Variants in CLIC5 observed in about 807,000 individuals in gnomAD.
CLIC5 encodes the protein CLIC family member 5.
A neutral mutation model predicts 24.7 loss-of-function variants in CLIC5; 20 were observed. The ratio of observed to expected loss-of-function variants is 0.81; its 90% CI spans 0.57 to 1.18. The LOEUF is 1.18. CLIC5 is among the 50% of genes most tolerant of loss of function. The probability of loss-of-function intolerance (pLI) is 0.00; values close to 1 mark genes in which losing one functional copy is unlikely to be tolerated. For missense variants in CLIC5, 341 were observed against 326.1 expected (o/e 1.05, Z -0.35); for synonymous variants, 159 against 135.6 (o/e 1.17, Z -1.20).
intron 6 of CLIC5, among the ~76,000 whole-genome samples, chr6:45,893,230 G>T (rs1020905579): frequency 7.1e-6 from 1 of 140,562 alleles, no homozygotes; most frequent in African/African-American, 2.7e-5. Flanking sequence ...TGCCACCCTG[G>T]TTTTTTTTTT....
the CLIC5 span, among the ~76,000 whole-genome samples, chr6:46,126,393 A>G: frequency 6.6e-6 from 1 of 152,234 alleles, no homozygotes; most frequent in Non-Finnish European, 1.5e-5. Flanking sequence ...AAGCCTCAAA[A>G]GAATTTATAC....
upstream of CLIC5, among the ~76,000 whole-genome samples, chr6:46,081,265 G>A (rs544219647): frequency 2.6e-5 from 4 of 152,300 alleles, no homozygotes; most frequent in East Asian, 5.8e-4. Context: ...ACTCTATCCT[G>A]CTAATTCCTG....
At chr6:45,929,286 T>A (rs548834676) in intron 4 of CLIC5, among the ~76,000 whole-genome samples, 12 of 152,278 alleles carry the variant, frequency 7.9e-5, no homozygotes, top group African/African-American at 2.9e-4. Flanking sequence ...GAGGAATCCC[T>A]CAGGCAGCTC....
At position 45,922,823 on chromosome 6, in the gene CLIC5, A is replaced by AAGAGAG. The variant is rs547902327; in HGVS notation, c.407-8420_407-8415dup. ...GAAGGGAGGAAGAGAGAGAGAGAGA[A>AAGAGAG]AGAGAGAGAGATAGAGAGAGAGAGA... On this transcript the variant is annotated intron_variant, in intron 4 of 5. Coordinates refer to ENST00000339561, the MANE Select transcript of CLIC5 (RefSeq NM_016929.5). 8.6e-3 allele frequency among the ~76,000 whole-genome samples: 1,211 copies of AAGAGAG among 140,688 alleles called. 36 individuals are homozygous for AAGAGAG. The highest frequency in any genetic ancestry group is 0.045 in the East Asian group (214 of 4,722). 92.3% of individuals were successfully genotyped at this position (140,688 alleles called of 152,430 possible).
chr6:46,065,439 A>C (rs1762416214), intron 1 of CLIC5, among the ~76,000 whole-genome samples: 1 of 152,116 alleles, frequency 6.6e-6, no homozygotes, highest in South Asian at 2.1e-4. Flanking sequence ...GAAATATAAA[A>C]CATAATCAAC....
chr6:46,071,190 C>A (rs540801155), intron 1 of CLIC5, among the ~76,000 whole-genome samples: 2 of 151,942 alleles, frequency 1.3e-5, no homozygotes, highest in African/African-American at 4.8e-5. Flanking sequence ...ACAAAGATGC[C>A]AAAATCAGTT....
At chr6:46,090,771 T>C in the CLIC5 span, among the ~76,000 whole-genome samples, 5 of 152,220 alleles carry the variant, frequency 3.3e-5, no homozygotes, top group Admixed American at 1.3e-4. Context: ...ATGCATTAAA[T>C]TAAGTTTAAC....
At chr6:46,006,137 T>TATATATACACATGTATAAATAC (rs1766569626) in intron 1 of CLIC5, among the ~76,000 whole-genome samples, 2 of 44,232 alleles carry the variant, frequency 4.5e-5, no homozygotes, top group African/African-American at 1.8e-4. Flanking sequence ...CATATATATA[T>TATATATACACATGTATAAATAC]ATATATATAT....
At chr6:46,126,153 G>C in the CLIC5 span, among the ~76,000 whole-genome samples, 1 of 152,144 alleles carries the variant, frequency 6.6e-6, no homozygotes, top group East Asian at 1.9e-4. Flanking sequence ...CGTGGATGAG[G>C]GGAATTAACA....
chr6:46,068,374 G>C (rs1276764265), intron 1 of CLIC5, among the ~76,000 whole-genome samples: 2 of 152,086 alleles, frequency 1.3e-5, no homozygotes, highest in Non-Finnish European at 2.9e-5. Context: ...CCAGCCACTG[G>C]CCCAAGGCTT....
At chr6:45,951,501 A>G (rs1764466953) in intron 2 of CLIC5, among the ~76,000 whole-genome samples, 1 of 152,220 alleles carries the variant, frequency 6.6e-6, no homozygotes, top group South Asian at 2.1e-4. Context: ...TGACACGGCT[A>G]GGTCCTGTTA....
intron 1 of CLIC5, among the ~76,000 whole-genome samples, chr6:45,962,533 T>C (rs1419742918): frequency 6.6e-6 from 1 of 150,378 alleles, no homozygotes; most frequent in Non-Finnish European, 1.5e-5. Context: ...GAGTAATGTC[T>C]GGTCAATATC....
chr6:46,084,097 C>A (rs985336912), upstream of CLIC5, among the ~76,000 whole-genome samples: 3 of 152,010 alleles, frequency 2.0e-5, no homozygotes, highest in Non-Finnish European at 2.9e-5. Flanking sequence ...AGGATTGCAA[C>A]CCCTGCCTTT....
In CLIC5 at chr6:46,057,218, T is replaced by A. The variant is rs996765487; in HGVS notation, c.540+22485A>T. Among the ~76,000 whole-genome samples the A allele has an allele frequency of 2.6e-5, 4 of 152,222 alleles. No homozygotes were observed. In the East Asian group the frequency reaches 7.7e-4, roughly 29 times the overall value. On this transcript the variant is annotated intron_variant, in intron 1 of 5. Transcript: ENST00000185206. ...TTGTATCCCCCAGAATTCCCATGTG[T>A]TGTGGGAGGGACCCAGGGGGAGGTA...
intron 3 of CLIC5, among the ~76,000 whole-genome samples, chr6:45,945,603 T>A (rs984681941): frequency 6.6e-6 from 1 of 152,138 alleles, no homozygotes; most frequent in Admixed American, 6.5e-5. Flanking sequence ...TAAACCTGTG[T>A]TCTGTTAAGC....
intron 1 of CLIC5, among the ~76,000 whole-genome samples, chr6:46,057,049 C>T (rs1408444328): frequency 1.3e-5 from 2 of 152,226 alleles, no homozygotes; most frequent in Non-Finnish European, 2.9e-5. Flanking sequence ...ATCCTCATTG[C>T]ATTTTCTTAC....
At chr6:46,087,560 C>T in the CLIC5 span, among the ~76,000 whole-genome samples, 2 of 152,084 alleles carry the variant, frequency 1.3e-5, no homozygotes, top group African/African-American at 4.8e-5. Context: ...CTTCACCTGG[C>T]CCAAGTCCTT....
intron 1 of CLIC5, among the ~76,000 whole-genome samples, chr6:46,042,372 TTTTG>T (rs1441989748): frequency 6.6e-6 from 1 of 152,180 alleles, no homozygotes; most frequent in African/African-American, 2.4e-5. Context: ...TGTAGGTTTT[TTTTG>T]TTTTTGTTTT....
At chr6:46,012,550 A>C (rs1245894460) in intron 1 of CLIC5, among the ~76,000 whole-genome samples, 2 of 152,248 alleles carry the variant, frequency 1.3e-5, no homozygotes, top group Admixed American at 1.3e-4. Flanking sequence ...TAATAACATA[A>C]ATAAATGTCA....
Sources: gnomAD v4.1 joint callset for allele counts (sites outside exome capture counted in the v4.1 genomes callset) on GRCh38, gnomAD v4.1.1 for gene constraint, MANE v1.5 for transcripts, NCBI Gene and HGNC (gene_info 2026-07-23, HGNC 2026-07-21) for gene names.